TMC6: variants seen among roughly 807,000 people sequenced by gnomAD.
TMC6 encodes transmembrane channel like 6.
Under a neutral mutation model 95.4 loss-of-function variants are expected in TMC6, and 71 were observed. The ratio of observed to expected loss-of-function variants is 0.74; its 90% confidence interval spans 0.61 to 0.91. TMC6 has a LOEUF of 0.91. TMC6 is among the 40% of genes least tolerant of loss of function. The pLI, the probability that TMC6 is intolerant of heterozygous loss-of-function variation, is 0.00. For synonymous variants in TMC6, 514 were observed against 483.1 expected (o/e 1.06, Z -0.84); for missense variants, 1,074 against 1,079.1 (o/e 1.00, Z 0.07).
Position 78,113,198 on chromosome 17 carries a change from C to T in TMC6, c.2368G>A (p.Glu790Lys), listed in dbSNP as rs376941719. ...AGGGCAGGGGGTGCCGCAGCCTCCT[C>T]GGTTGTCCCAACCCTGCCAGAAAGA... ...REERSRVGTT[E>K]EAAAPPALLT... The change falls in exon 20 of 20, where the codon GAG (glutamate) becomes AAG (lysine). Residue 790 changes from glutamate (E) to lysine (K), a missense_variant. Transcript: ENST00000590602. 1.2e-5 allele frequency: 18 copies of T among 1,556,720 alleles called. No individual in the cohort carries two copies. The highest frequency in any genetic ancestry group is 2.4e-5 in the South Asian group (2 of 84,424).
At position 78,124,619 on chromosome 17, in the gene TMC6, G is replaced by C. The variant is rs1426207091; in HGVS notation, c.796C>G (p.Leu266Val). The change falls in exon 8 of 20, where the codon CTG (leucine) becomes GTG (valine). Residue 266 changes from leucine to valine, a missense_variant. Coordinates refer to ENST00000590602, the MANE Select transcript of TMC6 (RefSeq NM_001127198.5). ...LAFNALLLLLLVAFIMGPQVA... is the reference protein window; with the variant it reads ...LAFNALLLLLVVAFIMGPQVA... ...TGAGGGCCCATGATGAAGGCCACCA[G>C]CAGCAGCAGCAGGAGGGCATTGAAA... 1.2e-6 allele frequency: 2 copies of C among 1,607,472 alleles called. No homozygotes were observed. The highest frequency in any genetic ancestry group is 1.1e-5 in the South Asian group (1 of 90,608).
upstream of TMC6, among the ~76,000 whole-genome samples, chr17:78,129,241 C>T (rs2074897199): frequency 6.6e-6 from 1 of 152,008 alleles, no homozygotes; most frequent in Non-Finnish European, 1.5e-5. The surrounding 1 kb of genome is among the most constrained non-coding windows in gnomAD (Gnocchi z 4.3). Flanking sequence ...AGAGTTCTGG[C>T]TCACTTCCTG....
At chr17:78,120,460 A>G in intron 13 of TMC6, 193 bp downstream of exon 13, 1 of 866,724 alleles carries the variant, frequency 1.2e-6, no homozygotes, top group South Asian at 1.4e-5. Flanking sequence ...ATGCCTGGCC[A>G]TACACATCAC....
intron 5 of TMC6, 36 bp from the exon 6 acceptor site, chr17:78,125,299 A>G: frequency 6.5e-7 from 1 of 1,537,798 alleles, no homozygotes; most frequent in Admixed American, 2.0e-5. Context: ...CCCATCCCCA[A>G]GTGCCCCTCC....
At chr17:78,129,125 C>A (rs577307304), upstream of TMC6, among the ~76,000 whole-genome samples, 45 of 149,408 alleles carry the variant, frequency 3.0e-4, 1 homozygote, top group East Asian at 8.1e-3. The surrounding 1 kb of genome is among the most constrained non-coding windows in gnomAD (Gnocchi z 4.3). Context: ...CGCCCCCCCC[C>A]CCGCCGCCCC....
chr17:78,117,283 C>T lies in TMC6; in HGVS notation c.2263G>A (p.Glu755Lys), dbSNP rs1467967272. 3.1e-6 allele frequency: 5 copies of T among 1,613,508 alleles called. No homozygotes were observed. The highest frequency in any genetic ancestry group is 3.3e-5 in the Admixed American group (2 of 60,028). The change falls in exon 18 of 20, where the codon GAG (glutamate) becomes AAG (lysine). Residue 755 changes from glutamate (E) to lysine (K), a missense_variant. By Grantham distance (56) the Glu-to-Lys change is moderately conservative (BLOSUM62 1). Transcript: ENST00000590602. ...GQRKVICLLKEQISNEGEDKI... is the reference protein window; with the variant it reads ...GQRKVICLLKKQISNEGEDKI... ...GGGGCACTCACATTGCTGATCTGCT[C>T]CTTGAGCAGGCAGATGACCTTGCGC... is the stretch of plus-strand genomic sequence containing the variant.
chr17:78,122,413 G>A lies in TMC6; in HGVS notation c.1227+192C>T. The A allele has an allele frequency of 1.2e-6, 1 of 807,254 alleles. No individual in the cohort carries two copies. Among genetic ancestry groups the A allele is most frequent in the Non-Finnish European group, 1.9e-6 (1 of 523,112 alleles). The allele number at this position is 807,254 out of a possible 1,614,324, so 50.0% of individuals were successfully genotyped here. On this transcript the variant is annotated intron_variant, in intron 10 of 19. Coordinates refer to ENST00000590602, the MANE Select transcript of TMC6 (RefSeq NM_001127198.5). The surrounding 1 kb of genome is among the most constrained non-coding windows in gnomAD (Gnocchi z 4.9). Reference sequence around the variant, plus strand: ...GAGGCAGCCCCTAACTGATGGGTGTGTGCCAGAGAAAAACTCAGGGCCTGC... The same window carrying A: ...GAGGCAGCCCCTAACTGATGGGTGTATGCCAGAGAAAAACTCAGGGCCTGC...
chr17:78,128,735 G>A lies in TMC6; in HGVS notation c.-198C>T, dbSNP rs2074870868. 6.8e-6 allele frequency: 1 copy of A among 146,198 alleles called. No individual in the cohort carries two copies. The highest frequency in any genetic ancestry group is 1.5e-5 in the Non-Finnish European group (1 of 66,260). The allele number at this position is 146,198 out of a possible 1,614,324, so 9.1% of individuals were successfully genotyped here. A position where few individuals can be genotyped will look rare whatever the true frequency, so the allele number is the denominator to read the frequency against. ...GGGAGTGGCAAAGGGCCCCAGGGGC[G>A]ACTGGGCCAGTCGCAGGTCTGCCGG... On this transcript the variant is annotated 5_prime_UTR_variant, in exon 1 of 20. Transcript: ENST00000590602. This position sits in a 1 kb window ranked among gnomAD's most constrained non-coding sequence, Gnocchi z 4.0.
chr17:78,126,743 T>A, intron 2 of TMC6, 34 bp downstream of exon 2: 1 of 1,612,072 alleles, frequency 6.2e-7, no homozygotes, highest in Non-Finnish European at 8.5e-7. Context: ...GGTGGAACAT[T>A]CCAGCCTCCA....
In TMC6 at chr17:78,121,531, G is replaced by C. The variant is rs2074413153; in HGVS notation, c.1383+25C>G. The C allele has an allele frequency of 6.2e-7, 1 of 1,610,526 alleles. No individual in the cohort carries two copies. The highest frequency in any genetic ancestry group is 1.3e-5 in the African/African-American group (1 of 74,760). ...TCACTGGGGACACGTTCCAAGCAAG[G>C]GCCAGGCTCCCCCCATCCCCGCACC... is the stretch of plus-strand genomic sequence containing the variant. On this transcript the variant is annotated intron_variant, in intron 11 of 19. Transcript: ENST00000590602. The surrounding 1 kb of genome is among the most constrained non-coding windows in gnomAD (Gnocchi z 5.6).
chr17:78,107,858 G>C lies in TMC6; in HGVS notation c.*5290C>G, dbSNP rs1488184217. ...AGTTGGGGCTTAAAAAATATTTGGA[G>C]AGAAGAGTAATGAGGATTTTTTGTG... On this transcript the variant is annotated 3_prime_UTR_variant, in exon 20 of 20. Coordinates refer to ENST00000590602, the MANE Select transcript of TMC6 (RefSeq NM_001127198.5). 1 of 152,214 alleles carries C rather than the reference G, an allele frequency of 6.6e-6. No homozygotes were observed. Among genetic ancestry groups the C allele is most frequent in the Non-Finnish European group, 1.5e-5 (1 of 68,042 alleles). The allele number at this position is 152,214 out of a possible 1,614,324, so 9.4% of individuals were successfully genotyped here.
rs1485084245 is a variant in TMC6, at chr17:78,117,626, G to A, written c.2040C>T (p.Thr680=). The A allele has an allele frequency of 1.3e-6, 2 of 1,573,144 alleles. No individual in the cohort carries two copies. Among genetic ancestry groups the A allele is most frequent in the Admixed American group, 3.7e-5 (2 of 54,122 alleles). The stretch of plus-strand genomic sequence containing the variant: ...TGTCCAGGGTCCGGAAGGGGCCGCA[G>A]GTGCTCGAGGGCTTCACCCTGGGGA... The part of the protein sequence containing the change: ...YAVWQVKPSS[T]CGPFRTLDTM... Residue 680 remains threonine (T), a synonymous_variant, in exon 17 of 20, where the codon ACC becomes ACT. Transcript: ENST00000590602.
intron 18 of TMC6, among the ~76,000 whole-genome samples, chr17:78,114,243 C>T (rs1416604976): frequency 6.6e-6 from 1 of 152,120 alleles, no homozygotes; most frequent in Non-Finnish European, 1.5e-5. Flanking sequence ...CCAGCAGTGG[C>T]TGCTCAAGTC....
At position 78,125,832 on chromosome 17, in the gene TMC6, A is replaced by G. The variant is rs1481657004; in HGVS notation, c.324T>C (p.Leu108=). The part of the protein sequence containing the change: ...ISQYYNRTVQ[L]RCRSSRPLLG... Reference sequence around the variant, plus strand: ...GCAGGGGCCGGCTGCTCCTGCACCGAAGCTGCACCGTGCGGTTGTAGTACT... The same window carrying G: ...GCAGGGGCCGGCTGCTCCTGCACCGGAGCTGCACCGTGCGGTTGTAGTACT... Residue 108 remains leucine (L), a synonymous_variant, in exon 5 of 20, where the codon CTT becomes CTC. Coordinates refer to ENST00000590602, the MANE Select transcript of TMC6 (RefSeq NM_001127198.5). The G allele has an allele frequency of 2.6e-6, 4 of 1,553,784 alleles. No individual in the cohort carries two copies. In the East Asian group the frequency reaches 7.3e-5, roughly 28 times the overall value.
chr17:78,121,486 CA>C lies in TMC6; in HGVS notation c.1383+69del. ...AGGAGGAGAGGCAAGGCTGCCTCCC[CA>C]GGGGGCAGGTGCCCAGAGTCACTGG... On this transcript the variant is annotated intron_variant, in intron 11 of 19. Transcript: ENST00000590602. The surrounding 1 kb of genome is among the most constrained non-coding windows in gnomAD (Gnocchi z 5.6). 1 of 1,605,266 alleles carries C rather than the reference CA, an allele frequency of 6.2e-7. No individual in the cohort carries two copies. Among genetic ancestry groups the C allele is most frequent in the Admixed American group, 1.7e-5 (1 of 59,280 alleles).
intron 9 of TMC6, 97 bp downstream of exon 9, chr17:78,123,888 CAGAA>C (rs1240161013): frequency 1.3e-6 from 2 of 1,483,928 alleles, no homozygotes; most frequent in South Asian, 1.2e-5. Flanking sequence ...GGTAGATGGA[CAGAA>C]GGAAGAAAGG....
intron 15 of TMC6, 140 bp downstream of exon 15, chr17:78,118,831 G>A (rs2145126686): frequency 3.3e-6 from 3 of 919,656 alleles, no homozygotes; most frequent in African/African-American, 1.6e-5. Flanking sequence ...GGAGGGACAG[G>A]CCAGGGCAGC....
At chr17:78,132,160 C>A, upstream of TMC6, 2 of 1,440,736 alleles carry the variant, frequency 1.4e-6, no homozygotes, top group South Asian at 2.5e-5. Context: ...CCTCCCCCCT[C>A]CCACCCCTTC....
chr17:78,125,322 G>C, intron 5 of TMC6, 59 bp from the exon 6 acceptor site: 9 of 1,476,970 alleles, frequency 6.1e-6, no homozygotes, highest in Non-Finnish European at 8.3e-6. Flanking sequence ...GCAGCCCGAA[G>C]CCGGGACCCT....
Sources: gnomAD v4.1 joint callset for allele counts (sites outside exome capture counted in the v4.1 genomes callset) on GRCh38, gnomAD v4.1.1 for gene constraint, Gnocchi (gnomAD v3.1) non-coding constraint, MANE v1.5 for transcripts, NCBI Gene and HGNC (gene_info 2026-07-23, HGNC 2026-07-21) for gene names.